The following DIAPH3 variants were observed in gnomAD, a reference collection of about 807,000 sequenced individuals.
DIAPH3 encodes the protein protein diaphanous homolog 3.
DIAPH3 carries 117 observed loss-of-function variants against 144.3 expected under a neutral mutation model. The ratio of observed to expected loss-of-function variants is 0.81; its 90% confidence interval spans 0.70 to 0.95. DIAPH3 has a LOEUF of 0.95. Among genes scored for constraint, DIAPH3 ranks in the 40% least tolerant of loss-of-function variants. The pLI, the probability that DIAPH3 is intolerant of heterozygous loss-of-function variation, is 0.00. For synonymous variants in DIAPH3, 519 were observed against 488.9 expected (o/e 1.06, Z -0.81); for missense variants, 1,421 against 1,412.7 (o/e 1.01, Z -0.09).
chr13:59,874,343 A>G (rs1035041351), intron 21 of DIAPH3, among the ~76,000 whole-genome samples: 1 of 152,232 alleles, frequency 6.6e-6, no homozygotes, highest in Non-Finnish European at 1.5e-5. Context: ...TGGTGGAAAC[A>G]TTAAAGAATA....
At chr13:59,825,726 T>C (rs1341016276) in intron 24 of DIAPH3, among the ~76,000 whole-genome samples, 1 of 152,176 alleles carries the variant, frequency 6.6e-6, no homozygotes, top group Non-Finnish European at 1.5e-5. Context: ...ATAATTGCCA[T>C]TCTAACTGGT....
At chr13:59,725,224 A>G (rs2138938343) in intron 27 of DIAPH3, among the ~76,000 whole-genome samples, 1 of 152,340 alleles carries the variant, frequency 6.6e-6, no homozygotes, top group South Asian at 2.1e-4. Flanking sequence ...GTTGTTTTTC[A>G]TAGGCAAAGA....
At chr13:59,774,639 G>C in intron 26 of DIAPH3, 89 bp downstream of exon 26, 1 of 1,298,564 alleles carries the variant, frequency 7.7e-7, no homozygotes, top group Non-Finnish European at 1.1e-6. Context: ...CTGCATTCTT[G>C]ACACACAACT....
chr13:59,693,509 A>G (rs755788778), intron 27 of DIAPH3, among the ~76,000 whole-genome samples: 3 of 152,170 alleles, frequency 2.0e-5, no homozygotes, highest in Non-Finnish European at 4.4e-5. Context: ...CCTACTTGTA[A>G]AGACAATTTA....
rs536262698 is a variant in DIAPH3 at position 60,013,874 on chromosome 13, G to A, written c.771+2039C>T. ...AAAATTTCACATATTGCTAGGTTTA[G>A]AGTTCAGACACTATAATACTAAGTA... On this transcript the variant is annotated intron_variant, in intron 7 of 27. Transcript: ENST00000400324. Among the ~76,000 whole-genome samples, 8 of 152,136 alleles carry A rather than the reference G, an allele frequency of 5.3e-5. No individual in the cohort carries two copies. In the South Asian group the frequency reaches 1.7e-3, roughly 32 times the overall value.
chr13:59,809,970 T>TA (rs2040389489), intron 25 of DIAPH3, among the ~76,000 whole-genome samples: 1 of 152,184 alleles, frequency 6.6e-6, no homozygotes, highest in Non-Finnish European at 1.5e-5. Flanking sequence ...AATGAAAATA[T>TA]AACTATATTT....
At chr13:59,948,895 AG>A (rs2048948549) in intron 17 of DIAPH3, among the ~76,000 whole-genome samples, 1 of 146,700 alleles carries the variant, frequency 6.8e-6, no homozygotes, top group Non-Finnish European at 1.5e-5. Context: ...GAAGGAAGGA[AG>A]GAAGGAAGGA....
At chr13:59,764,975 T>C (rs2037795491) in intron 27 of DIAPH3, among the ~76,000 whole-genome samples, 1 of 152,126 alleles carries the variant, frequency 6.6e-6, no homozygotes. Context: ...ATCCTTCCCA[T>C]GTCTACATAT....
At chr13:59,792,941 C>T (rs1181538386) in intron 25 of DIAPH3, among the ~76,000 whole-genome samples, 1 of 152,188 alleles carries the variant, frequency 6.6e-6, no homozygotes, top group African/African-American at 2.4e-5. Context: ...CAATTGGATT[C>T]TTAATGCTAT....
chr13:59,808,238 T>A (rs758876774), intron 25 of DIAPH3, among the ~76,000 whole-genome samples: 15 of 151,736 alleles, frequency 9.9e-5, no homozygotes, highest in Non-Finnish European at 1.6e-4. Context: ...AAGGAGGTAT[T>A]TAAAATGTAA....
chr13:59,858,378 A>C (rs2043377598), intron 22 of DIAPH3, among the ~76,000 whole-genome samples: 1 of 152,162 alleles, frequency 6.6e-6, no homozygotes, highest in East Asian at 1.9e-4. Context: ...ACCAAGAGTA[A>C]GACAAGAGCA....
At chr13:59,883,918 T>A (rs2045259093) in intron 20 of DIAPH3, among the ~76,000 whole-genome samples, 1 of 152,152 alleles carries the variant, frequency 6.6e-6, no homozygotes, top group Admixed American at 6.5e-5. Flanking sequence ...CCCAACTACC[T>A]CCTATTGTGC....
chr13:60,149,647 A>G (rs1951692133), intron 1 of DIAPH3, among the ~76,000 whole-genome samples: 1 of 151,408 alleles, frequency 6.6e-6, no homozygotes, highest in Non-Finnish European at 1.5e-5. Context: ...CAGCTACTCC[A>G]GAAGCTGAGG....
At chr13:59,708,915 C>T (rs1228835691) in intron 27 of DIAPH3, among the ~76,000 whole-genome samples, 1 of 152,024 alleles carries the variant, frequency 6.6e-6, no homozygotes, top group East Asian at 1.9e-4. Flanking sequence ...TACCAAAAGA[C>T]CTTTATTCCC....
At chr13:59,825,485 A>C (rs931695590) in intron 24 of DIAPH3, among the ~76,000 whole-genome samples, 1 of 152,084 alleles carries the variant, frequency 6.6e-6, no homozygotes, top group African/African-American at 2.4e-5. Flanking sequence ...TGAATAGTGT[A>C]CAATAAACAT....
At chr13:59,754,295 T>G (rs899015916) in intron 27 of DIAPH3, among the ~76,000 whole-genome samples, 1 of 152,184 alleles carries the variant, frequency 6.6e-6, no homozygotes, top group Non-Finnish European at 1.5e-5. Flanking sequence ...ATTTATCAGC[T>G]TTACGATTTT....
intron 25 of DIAPH3, among the ~76,000 whole-genome samples, chr13:59,807,339 GA>G (rs977153932): frequency 6.0e-5 from 9 of 150,524 alleles, no homozygotes; most frequent in East Asian, 3.9e-4. Context: ...CCCACAGTCT[GA>G]AAAAAAAATT....
intron 20 of DIAPH3, among the ~76,000 whole-genome samples, chr13:59,901,309 T>A (rs1312350864): frequency 3.9e-5 from 6 of 152,220 alleles, no homozygotes; most frequent in African/African-American, 1.2e-4. Context: ...TCTCCCACCT[T>A]CACTCTGCCA....
At chr13:60,016,745 AAAACAAACAAAC>A (rs901444337) in intron 5 of DIAPH3, among the ~76,000 whole-genome samples, 1 of 152,192 alleles carries the variant, frequency 6.6e-6, no homozygotes, top group African/African-American at 2.4e-5. Flanking sequence ...AGTTGCTTTA[AAAACAAACAAAC>A]AAACAAACAA....
Sources: gnomAD v4.1 joint callset for allele counts (sites outside exome capture counted in the v4.1 genomes callset) on GRCh38, gnomAD v4.1.1 for gene constraint, MANE v1.5 for transcripts, NCBI Gene and HGNC (gene_info 2026-07-23, HGNC 2026-07-21) for gene names.